BTRC: variants seen among roughly 807,000 people sequenced by gnomAD.
BTRC encodes beta-transducin repeat containing E3 ubiquitin protein ligase.
In BTRC, 42 loss-of-function variants were observed where a neutral mutation model predicts 85.5. That is an observed-to-expected ratio of 0.49 (90% confidence interval 0.38 to 0.64). The LOEUF (loss-of-function observed/expected upper bound fraction) is 0.64. BTRC is among the 30% of genes least tolerant of loss of function. The probability of loss-of-function intolerance (pLI) is 0.00; values close to 1 mark genes in which losing one functional copy is unlikely to be tolerated. For missense variants in BTRC, 594 were observed against 743.5 expected, an observed-to-expected ratio of 0.80 and a Z score of 2.34; for synonymous variants, 255 against 263.3, an observed-to-expected ratio of 0.97 and a Z score of 0.30.
At chr10:101,529,363 A>T (rs2062247059) in intron 6 of BTRC, among the ~76,000 whole-genome samples, 1 of 152,218 alleles carries the variant, frequency 6.6e-6, no homozygotes, top group South Asian at 2.1e-4. Context: ...TAGAATGTAG[A>T]TAGTATCATT....
Position 101,556,501 on chromosome 10 carries a change from C to T in BTRC, c.*3378C>T, listed in dbSNP as rs1323838172. 3 of 152,274 alleles carry T rather than the reference C, an allele frequency of 2.0e-5. No homozygotes were observed. The highest frequency in any genetic ancestry group is 4.4e-5 in the Non-Finnish European group (3 of 68,078). 9.4% of individuals were successfully genotyped at this position (152,274 alleles called of 1,614,324 possible). A position where few individuals can be genotyped will look rare whatever the true frequency, so the allele number is the denominator to read the frequency against. On this transcript the variant is annotated 3_prime_UTR_variant, in exon 15 of 15. Transcript: ENST00000370187. ...CCAGTCTGTAGCAGAGCAGTCCAAC[C>T]CAGATTAGTGCAGCCCGGAGGCTTA...
At chr10:101,419,973 T>G (rs1944054597) in intron 1 of BTRC, among the ~76,000 whole-genome samples, 1 of 152,112 alleles carries the variant, frequency 6.6e-6, no homozygotes, top group Non-Finnish European at 1.5e-5. Context: ...ATATTTTGAA[T>G]CATTAAATGT....
chr10:101,415,066 T>C (rs967769012), intron 1 of BTRC, among the ~76,000 whole-genome samples: 7 of 152,152 alleles, frequency 4.6e-5, no homozygotes, highest in African/African-American at 1.7e-4. Flanking sequence ...TACAATAATG[T>C]CCTAGACCTT....
intron 2 of BTRC, among the ~76,000 whole-genome samples, chr10:101,461,320 A>G (rs1284450400): frequency 1.3e-5 from 2 of 152,168 alleles, no homozygotes; most frequent in Non-Finnish European, 1.5e-5. Context: ...AGTGATTTAC[A>G]TATATTGACT....
intron 1 of BTRC, among the ~76,000 whole-genome samples, chr10:101,388,075 G>A (rs1175064631): frequency 6.6e-6 from 1 of 152,174 alleles, no homozygotes; most frequent in Non-Finnish European, 1.5e-5. Context: ...TGGGATTCAG[G>A]TTAGTTGATT....
At chr10:101,546,032 C>T (rs779102878) in intron 13 of BTRC, among the ~76,000 whole-genome samples, 1 of 152,224 alleles carries the variant, frequency 6.6e-6, no homozygotes. Context: ...TAGTTGGAGA[C>T]TTCAGCACCC....
intron 4 of BTRC, among the ~76,000 whole-genome samples, chr10:101,489,443 G>A (rs559644581): frequency 2.6e-5 from 4 of 152,128 alleles, no homozygotes; most frequent in Non-Finnish European, 5.9e-5. Context: ...TTTTATGGGT[G>A]TAAATATTCT....
Position 101,479,424 on chromosome 10 carries a change from C to G in BTRC, c.291C>G (p.Ser97Arg), listed in dbSNP as rs1945779968. Residue 97 changes from serine (S) to arginine (R), a missense_variant, in exon 4 of 15, where the codon AGC becomes AGG. Physicochemically the swap from Ser to Arg is moderately radical, Grantham distance 110. Around this residue, in one of 4 missense-constraint regions of BTRC, gnomAD observed 163 missense variants for 180.5 expected, o/e 0.90. Transcript: ENST00000370187. ...CLNQETVCLA[S>R]TAMKTENCVA... Reference sequence around the variant, plus strand: ...ACCAAGAAACAGTATGTTTAGCAAGCACTGCTATGAAGACTGAGAATTGTG... The same window carrying G: ...ACCAAGAAACAGTATGTTTAGCAAGGACTGCTATGAAGACTGAGAATTGTG... 1 of 1,613,314 alleles carries G rather than the reference C, an allele frequency of 6.2e-7. No homozygotes were observed. Among genetic ancestry groups the G allele is most frequent in the East Asian group, 2.2e-5 (1 of 44,816 alleles).
chr10:101,430,502 T>C (rs1259097834), intron 2 of BTRC, 50 bp downstream of exon 2: 1 of 1,452,708 alleles, frequency 6.9e-7, no homozygotes, highest in Admixed American at 1.7e-5. Context: ...TGTATGTGTC[T>C]AATTCATTAG....
intron 3 of BTRC, among the ~76,000 whole-genome samples, chr10:101,463,460 A>G (rs545877696): frequency 6.6e-6 from 1 of 152,310 alleles, no homozygotes; most frequent in East Asian, 1.9e-4. Context: ...GATTACAGAC[A>G]TGAGCCACCA....
intron 1 of BTRC, among the ~76,000 whole-genome samples, chr10:101,400,437 T>C (rs938403577): frequency 1.3e-5 from 2 of 152,132 alleles, no homozygotes; most frequent in Admixed American, 6.5e-5. Flanking sequence ...CTTTCATGAG[T>C]GGAGTTTCCC....
chr10:101,454,360 A>G (rs1365031556), intron 2 of BTRC, among the ~76,000 whole-genome samples: 1 of 152,228 alleles, frequency 6.6e-6, no homozygotes, highest in African/African-American at 2.4e-5. Context: ...CCAGTAGAGT[A>G]AGGTGGAGTA....
chr10:101,519,974 A>C (rs2062079718), intron 4 of BTRC, among the ~76,000 whole-genome samples: 1 of 152,192 alleles, frequency 6.6e-6, no homozygotes, highest in Admixed American at 6.5e-5. Context: ...CAGTGTGGGC[A>C]ACAAGACTGA....
At chr10:101,504,511 T>C (rs1946469679) in intron 4 of BTRC, among the ~76,000 whole-genome samples, 1 of 151,970 alleles carries the variant, frequency 6.6e-6, no homozygotes, top group African/African-American at 2.4e-5. Context: ...TTATCCCTCT[T>C]CCTTCATCCT....
chr10:101,515,265 A>AT (rs1341343116), intron 4 of BTRC, among the ~76,000 whole-genome samples: 2 of 151,692 alleles, frequency 1.3e-5, no homozygotes, highest in African/African-American at 4.8e-5. Flanking sequence ...CGTTTTTTTT[A>AT]TTTTCAGGAA....
chr10:101,476,906 G>T (rs1292361479), intron 3 of BTRC, among the ~76,000 whole-genome samples: 1 of 152,174 alleles, frequency 6.6e-6, no homozygotes, highest in Non-Finnish European at 1.5e-5. Context: ...TGGATCAGCA[G>T]CACTAACGTC....
chr10:101,515,369 C>T (rs1378659929), intron 4 of BTRC, among the ~76,000 whole-genome samples: 1 of 152,096 alleles, frequency 6.6e-6, no homozygotes, highest in East Asian at 1.9e-4. Flanking sequence ...TGCACTAACT[C>T]TATAGGTTGA....
intron 2 of BTRC, among the ~76,000 whole-genome samples, chr10:101,437,015 C>CTATAA (rs1944550103): frequency 6.6e-6 from 1 of 152,044 alleles, no homozygotes; most frequent in Non-Finnish European, 1.5e-5. Context: ...CAAAACAATA[C>CTATAA]CATAAGGAAA....
At chr10:101,532,748 A>ATGTGTGTG (rs1240384646) in intron 8 of BTRC, among the ~76,000 whole-genome samples, 5 of 71,342 alleles carry the variant, frequency 7.0e-5, no homozygotes, top group Non-Finnish European at 1.4e-4. Context: ...TACTGAAGCT[A>ATGTGTGTG]TATGTGTGTG....
Sources: gnomAD v4.1 joint callset for allele counts (sites outside exome capture counted in the v4.1 genomes callset) on GRCh38, gnomAD v4.1.1 for gene constraint, gnomAD v4.1.1 regional missense constraint, MANE v1.5 for transcripts, NCBI Gene and HGNC (gene_info 2026-07-23, HGNC 2026-07-21) for gene names.